The following AMD1 variants were observed in gnomAD, a reference collection of about 807,000 sequenced individuals.
AMD1 encodes S-adenosylmethionine decarboxylase proenzyme.
AMD1 carries 11 observed loss-of-function variants against 40.2 expected under a neutral mutation model. The ratio of observed to expected loss-of-function variants is 0.27; its 90% CI spans 0.17 to 0.45. The LOEUF (loss-of-function observed/expected upper bound fraction) is 0.45, where lower values mean the gene tolerates loss of function less well. AMD1 is among the 20% of genes least tolerant of loss of function. The pLI, the probability that AMD1 is intolerant of heterozygous loss-of-function variation, is 1.00. For missense variants in AMD1, 257 were observed against 410.2 expected (o/e 0.63, Z 3.23); for synonymous variants, 121 against 130.8 (o/e 0.93, Z 0.51).
rs1250751423 is a variant in AMD1 at position 110,894,389 on chromosome 6, TTAAA to T, written c.*774_*777del. The T allele has an allele frequency of 6.6e-6, 1 of 152,568 alleles. No individual in the cohort carries two copies. Among genetic ancestry groups the T allele is most frequent in the Admixed American group, 6.5e-5 (1 of 15,270 alleles). 9.5% of individuals were successfully genotyped at this position (152,568 alleles called of 1,614,324 possible). Reference sequence around the variant, plus strand: ...AGATGGTCCCTGGGCTTAATATTCTTTAAAGGGCATGGGAATTTAGCCTCTCTTT... The same window carrying T: ...AGATGGTCCCTGGGCTTAATATTCTTGGGCATGGGAATTTAGCCTCTCTTT... On this transcript the variant is annotated 3_prime_UTR_variant, in exon 9 of 9. Coordinates refer to ENST00000368885, the MANE Select transcript of AMD1 (RefSeq NM_001634.6).
At chr6:110,833,530 T>C in the AMD1 span, among the ~76,000 whole-genome samples, 1 of 152,266 alleles carries the variant, frequency 6.6e-6, no homozygotes, top group African/African-American at 2.4e-5. Context: ...TTCTCAGGAA[T>C]AGTTTAGTTT....
chr6:110,857,012 A>C, the AMD1 span, among the ~76,000 whole-genome samples: 485 of 152,018 alleles, frequency 3.2e-3, 1 homozygote, highest in Non-Finnish European at 4.3e-3. Flanking sequence ...AAAAATACAA[A>C]AATTAGTTGG....
the AMD1 span, among the ~76,000 whole-genome samples, chr6:110,818,508 G>C: frequency 6.6e-6 from 1 of 151,856 alleles, no homozygotes; most frequent in Admixed American, 6.6e-5. Context: ...AGTATCACCT[G>C]ATTCCAGTAT....
chr6:110,815,225 C>G, the AMD1 span: 1 of 1,357,222 alleles, frequency 7.4e-7, no homozygotes, highest in Non-Finnish European at 9.5e-7. Flanking sequence ...CGCTCCACTT[C>G]TCCAACAGCC....
chr6:110,883,456 C>A (rs985412793), intron 1 of AMD1, among the ~76,000 whole-genome samples: 1 of 152,138 alleles, frequency 6.6e-6, no homozygotes, highest in African/African-American at 2.4e-5. Context: ...GAATGAGAGG[C>A]CCCTTTGAAT....
At chr6:110,858,135 T>A in the AMD1 span, 1 of 552,364 alleles carries the variant, frequency 1.8e-6, no homozygotes, top group African/African-American at 1.9e-5. Context: ...TGAGCCACCA[T>A]GCCCAGACCA....
chr6:110,883,850 C>G (rs1477791655), intron 1 of AMD1, among the ~76,000 whole-genome samples: 1 of 152,060 alleles, frequency 6.6e-6, no homozygotes, highest in East Asian at 1.9e-4. Flanking sequence ...TCCTGCCTCC[C>G]AGAGTGCTGG....
chr6:110,847,564 A>G, the AMD1 span, among the ~76,000 whole-genome samples: 2 of 151,946 alleles, frequency 1.3e-5, no homozygotes, highest in Admixed American at 1.3e-4. Flanking sequence ...GGAAACTTCC[A>G]TTTTGCTCTT....
chr6:110,887,449 T>G, intron 1 of AMD1, 56 bp from the exon 2 acceptor site: 1 of 1,275,800 alleles, frequency 7.8e-7, no homozygotes, highest in South Asian at 1.4e-5. Flanking sequence ...TTTGTAATTT[T>G]TATGAGTAGG....
At chr6:110,824,313 C>G in the AMD1 span, among the ~76,000 whole-genome samples, 1 of 152,120 alleles carries the variant, frequency 6.6e-6, no homozygotes, top group East Asian at 1.9e-4. Flanking sequence ...AGTGAAGTAA[C>G]TCAGGAATGG....
the AMD1 span, among the ~76,000 whole-genome samples, chr6:110,859,455 C>G: frequency 6.6e-6 from 1 of 152,174 alleles, no homozygotes; most frequent in Non-Finnish European, 1.5e-5. Context: ...TGGAGGGACC[C>G]AGTCCCCGAA....
At chr6:110,832,743 T>G in the AMD1 span, among the ~76,000 whole-genome samples, 3 of 152,208 alleles carry the variant, frequency 2.0e-5, no homozygotes, top group African/African-American at 7.2e-5. Context: ...AGATTACCCC[T>G]CTTTGTACTT....
the AMD1 span, chr6:110,814,928 G>A: frequency 6.3e-7 from 1 of 1,578,324 alleles, no homozygotes; most frequent in Non-Finnish European, 8.6e-7. Flanking sequence ...CGGCCCGACT[G>A]GGATCCGACC....
At chr6:110,851,429 G>T in the AMD1 span, among the ~76,000 whole-genome samples, 3 of 151,498 alleles carry the variant, frequency 2.0e-5, no homozygotes, top group Non-Finnish European at 2.9e-5. Context: ...AAGTTGTGGG[G>T]TTTTTTGTTT....
rs1296086570 is a variant in AMD1, at chr6:110,895,203, C to A, written c.*1587C>A. 1 of 152,084 alleles carries A rather than the reference C, an allele frequency of 6.6e-6. No homozygotes were observed. The highest frequency in any genetic ancestry group is 1.5e-5 in the Non-Finnish European group (1 of 67,996). 9.4% of individuals were successfully genotyped at this position (152,084 alleles called of 1,614,324 possible). The stretch of plus-strand genomic sequence containing the variant: ...AATGAAACACCTTTTTTTAGTGTTT[C>A]TAAACCTAAAATCTACTTGGTTTGA... On this transcript the variant is annotated 3_prime_UTR_variant, in exon 9 of 9. Coordinates refer to ENST00000368885, the MANE Select transcript of AMD1 (RefSeq NM_001634.6).
At chr6:110,829,520 T>A in the AMD1 span, among the ~76,000 whole-genome samples, 13 of 151,470 alleles carry the variant, frequency 8.6e-5, no homozygotes, top group Admixed American at 6.6e-4. Flanking sequence ...TACAAAAAAA[T>A]TAGCCAGGCG....
At chr6:110,879,932 G>A (rs180825037) in intron 1 of AMD1, among the ~76,000 whole-genome samples, 28 of 151,986 alleles carry the variant, frequency 1.8e-4, no homozygotes. Context: ...GCATAACCCT[G>A]CACTAATGGG....
chr6:110,827,890 GGTTA>G, the AMD1 span, among the ~76,000 whole-genome samples: 7 of 151,978 alleles, frequency 4.6e-5, no homozygotes, highest in African/African-American at 9.7e-5. Context: ...TTAAACATTA[GGTTA>G]GTGTTTTCTG....
intron 8 of AMD1, 72 bp downstream of exon 8, chr6:110,893,137 C>T (rs1786125434): frequency 3.7e-6 from 5 of 1,342,714 alleles, no homozygotes; most frequent in Middle Eastern, 2.6e-4. Flanking sequence ...ACAGTGAGGC[C>T]TAAGATGTAT....
Sources: allele counts gnomAD v4.1 joint callset (sites outside exome capture counted in the v4.1 genomes callset), GRCh38; gene constraint gnomAD v4.1.1; transcripts MANE v1.5; gene names NCBI Gene and HGNC (gene_info 2026-07-23, HGNC 2026-07-21).